Variants in TRPM3 observed in about 807,000 individuals in gnomAD.
The protein encoded by TRPM3 is long transient receptor potential channel 3.
Under a neutral mutation model 181.2 loss-of-function variants are expected in TRPM3, and 77 were observed. That is an observed-to-expected ratio of 0.42 (90% CI 0.35 to 0.51). The LOEUF is 0.51. Among genes scored for constraint, TRPM3 ranks in the 20% least tolerant of loss-of-function variants. TRPM3 has a pLI of 0.01. For missense variants in TRPM3, 1,759 were observed against 2,196.7 expected, an observed-to-expected ratio of 0.80 and a Z score of 3.98; for synonymous variants, 745 against 796.4, an observed-to-expected ratio of 0.94 and a Z score of 1.09.
chr9:70,793,706 A>G, intron 6 of TRPM3: 1 of 465,988 alleles, frequency 2.1e-6, no homozygotes, highest in Non-Finnish European at 4.5e-6. Context: ...ACCTGGCAGG[A>G]AAAGAGTCAA....
At chr9:70,991,743 T>A (rs2097488684) in intron 1 of TRPM3, among the ~76,000 whole-genome samples, 1 of 152,082 alleles carries the variant, frequency 6.6e-6, no homozygotes, top group African/African-American at 2.4e-5. Flanking sequence ...AGCATCCAAA[T>A]CCTTTGTGGC....
At chr9:70,682,384 A>T (rs550420071) in intron 8 of TRPM3, among the ~76,000 whole-genome samples, 1 of 152,250 alleles carries the variant, frequency 6.6e-6, no homozygotes, top group Non-Finnish European at 1.5e-5. Context: ...CAACTAAGCA[A>T]TCCAGTTCCA....
intron 1 of TRPM3, among the ~76,000 whole-genome samples, chr9:70,971,070 G>T (rs2097239326): frequency 6.6e-6 from 1 of 152,180 alleles, no homozygotes; most frequent in Admixed American, 6.5e-5. Flanking sequence ...ATTATGGGAT[G>T]CTGCCTTAGA....
At chr9:71,423,419 G>A (rs2093811661) in intron 1 of TRPM3, among the ~76,000 whole-genome samples, 1 of 152,040 alleles carries the variant, frequency 6.6e-6, no homozygotes, top group Non-Finnish European at 1.5e-5. Flanking sequence ...TCTCATCTAA[G>A]CAATGAAGAA....
chr9:70,971,481 T>A (rs2097245733), intron 1 of TRPM3, among the ~76,000 whole-genome samples: 1 of 152,114 alleles, frequency 6.6e-6, no homozygotes, highest in African/African-American at 2.4e-5. Context: ...TCAAAACTTG[T>A]TGAGAACAAT....
chr9:71,198,573 G>A (rs1275011513), intron 1 of TRPM3, among the ~76,000 whole-genome samples: 4 of 151,922 alleles, frequency 2.6e-5, no homozygotes, highest in Admixed American at 1.3e-4. Flanking sequence ...AGTTCTCCTT[G>A]AAGAGGTCCT....
chr9:70,907,666 G>A (rs570183887), intron 1 of TRPM3, among the ~76,000 whole-genome samples: 2 of 152,256 alleles, frequency 1.3e-5, no homozygotes, highest in South Asian at 2.1e-4. Flanking sequence ...AATGAACATC[G>A]TACCCAATAG....
chr9:70,590,913 G>C lies in TRPM3; in HGVS notation c.3223+118C>G, dbSNP rs1352465631. On this transcript the variant is annotated intron_variant, in intron 22 of 25. Transcript: ENST00000677713. Reference sequence around the variant, plus strand: ...TGTTTCCTCCAAGATAGCAAGCTAGGAATCAGTCCTCTATCTTGAGCCATT... The same window carrying C: ...TGTTTCCTCCAAGATAGCAAGCTAGCAATCAGTCCTCTATCTTGAGCCATT... The C allele has an allele frequency of 1.4e-5, 19 of 1,355,344 alleles. 1 individual carries two copies. The Admixed American group carries it at 3.6e-4, about 25-fold the overall frequency. 84.0% of individuals were successfully genotyped at this position (1,355,344 alleles called of 1,614,324 possible).
At chr9:71,281,501 T>TA (rs963232229) in intron 1 of TRPM3, among the ~76,000 whole-genome samples, 2 of 152,164 alleles carry the variant, frequency 1.3e-5, no homozygotes, top group African/African-American at 4.8e-5. Context: ...GTACAGTATC[T>TA]AGTACATGGA....
chr9:71,174,780 G>T (rs1368678921), intron 1 of TRPM3, among the ~76,000 whole-genome samples: 1 of 152,068 alleles, frequency 6.6e-6, no homozygotes, highest in African/African-American at 2.4e-5. Flanking sequence ...TCGAAGCCAG[G>T]GTCAAAGGAC....
At chr9:71,122,960 G>A (rs2073806134), upstream of TRPM3, among the ~76,000 whole-genome samples, 1 of 152,166 alleles carries the variant, frequency 6.6e-6, no homozygotes. Context: ...CGGCTCACAT[G>A]TATCACCTAG....
intron 1 of TRPM3, among the ~76,000 whole-genome samples, chr9:71,094,115 G>T (rs1393863362): frequency 6.6e-6 from 1 of 151,528 alleles, no homozygotes; most frequent in Non-Finnish European, 1.5e-5. Context: ...AGGGGAGGGA[G>T]AGCATTAGGA....
intron 1 of TRPM3, among the ~76,000 whole-genome samples, chr9:71,159,602 C>G (rs2076177956): frequency 6.6e-6 from 1 of 152,034 alleles, no homozygotes; most frequent in Non-Finnish European, 1.5e-5. Flanking sequence ...TATATAACTG[C>G]CTTCCTTTGA....
At chr9:71,298,470 T>G (rs1343183525) in intron 1 of TRPM3, among the ~76,000 whole-genome samples, 1 of 147,616 alleles carries the variant, frequency 6.8e-6, no homozygotes, top group Non-Finnish European at 1.5e-5. Flanking sequence ...AATAATCTGG[T>G]CTTTTTTTTT....
In TRPM3 at chr9:70,805,252, GAGAGAGAC is replaced by G. The variant is rs577760303; in HGVS notation, c.974-20981_974-20974del. On this transcript the variant is annotated intron_variant, in intron 6 of 25. Coordinates refer to ENST00000677713, the MANE Select transcript of TRPM3 (RefSeq NM_001366145.2). ...GGGGAGGTGGTGGTGGGGGGAGACA[GAGAGAGAC>G]AGAGAGACAGAGAGAGACAGAGAGA... 3.9e-3 allele frequency among the ~76,000 whole-genome samples: 588 copies of G among 151,120 alleles called. 6 individuals are homozygous for G. The highest frequency in any genetic ancestry group is 0.013 in the African/African-American group (543 of 41,162).
At chr9:70,809,719 G>A (rs1237133820) in intron 6 of TRPM3, among the ~76,000 whole-genome samples, 1 of 152,162 alleles carries the variant, frequency 6.6e-6, no homozygotes, top group Non-Finnish European at 1.5e-5. Context: ...AGCAATGCAT[G>A]ACAGTATATG....
At chr9:71,249,589 C>A (rs2082223285) in intron 1 of TRPM3, among the ~76,000 whole-genome samples, 1 of 152,040 alleles carries the variant, frequency 6.6e-6, no homozygotes, top group Non-Finnish European at 1.5e-5. Flanking sequence ...TATATTTTCT[C>A]ACAAATGTAA....
intron 1 of TRPM3, among the ~76,000 whole-genome samples, chr9:71,274,538 G>A (rs960220900): frequency 1.3e-5 from 2 of 152,158 alleles, no homozygotes; most frequent in Non-Finnish European, 2.9e-5. Flanking sequence ...ATGCTGCAAA[G>A]ACTAGTTAGG....
In TRPM3 at chr9:70,881,705, A is replaced by G. The variant is rs2095996456; in HGVS notation, c.178-17194T>C. ...TACATCTCCTCTGTGGGCTAACAAA[A>G]GATGACATTGCAATGGTGCTTTTGG... On this transcript the variant is annotated intron_variant, in intron 1 of 25. Coordinates refer to ENST00000677713, the MANE Select transcript of TRPM3 (RefSeq NM_001366145.2). Among the ~76,000 whole-genome samples, 3 of 152,228 alleles carry G rather than the reference A, an allele frequency of 2.0e-5. No individual in the cohort carries two copies. The South Asian group carries it at 6.2e-4, about 31-fold the overall frequency.
Sources: gnomAD v4.1 joint callset for allele counts (sites outside exome capture counted in the v4.1 genomes callset) on GRCh38, gnomAD v4.1.1 for gene constraint, MANE v1.5 for transcripts, NCBI Gene and HGNC (gene_info 2026-07-23, HGNC 2026-07-21) for gene names.